Variants in TMEM117 observed in about 807,000 individuals in gnomAD.
TMEM117 encodes transmembrane protein 117.
In TMEM117, 27 loss-of-function variants were observed where a neutral mutation model predicts 52.4. The observed-to-expected ratio is 0.51, with a 90% confidence interval of 0.38 to 0.71. The LOEUF is 0.71. Among genes scored for constraint, TMEM117 ranks in the 30% least tolerant of loss-of-function variants. The pLI is 0.00. For missense variants in TMEM117, 556 were observed against 630.5 expected (o/e 0.88, Z 1.26); for synonymous variants, 215 against 206.3 (o/e 1.04, Z -0.36).
intron 3 of TMEM117, among the ~76,000 whole-genome samples, chr12:44,086,361 G>A (rs1382730073): frequency 2.6e-5 from 4 of 151,714 alleles, no homozygotes; most frequent in Non-Finnish European, 4.4e-5. Flanking sequence ...CTACAGGTGC[G>A]TGCCACCACT....
At chr12:43,953,230 C>T (rs1945253193) in intron 3 of TMEM117, among the ~76,000 whole-genome samples, 1 of 152,046 alleles carries the variant, frequency 6.6e-6, no homozygotes, top group Non-Finnish European at 1.5e-5. Context: ...CACTATGAAA[C>T]AACTACATTA....
chr12:44,262,641 A>T (rs776758563), intron 5 of TMEM117, among the ~76,000 whole-genome samples: 5 of 152,022 alleles, frequency 3.3e-5, no homozygotes, highest in Non-Finnish European at 7.4e-5. Context: ...TCATTTACTT[A>T]TTTATTTATT....
chr12:44,188,230 T>C (rs916721675), intron 4 of TMEM117, among the ~76,000 whole-genome samples: 1 of 152,158 alleles, frequency 6.6e-6, no homozygotes, highest in Non-Finnish European at 1.5e-5. Flanking sequence ...TTTCAATGAC[T>C]TTGATCATCT....
At chr12:44,022,860 G>A (rs1946475625) in intron 3 of TMEM117, among the ~76,000 whole-genome samples, 1 of 152,002 alleles carries the variant, frequency 6.6e-6, no homozygotes, top group African/African-American at 2.4e-5. Context: ...GAATTTAAAA[G>A]GAAAACAAGG....
chr12:44,107,929 C>G (rs1158912246), intron 3 of TMEM117, among the ~76,000 whole-genome samples: 2 of 152,182 alleles, frequency 1.3e-5, no homozygotes, highest in African/African-American at 2.4e-5. Context: ...TTGAATAACA[C>G]AGCAAAAGAG....
chr12:44,211,170 T>C (rs1565596334), intron 4 of TMEM117, 120 bp from the exon 5 acceptor site: 6 of 703,104 alleles, frequency 8.5e-6, no homozygotes, highest in Non-Finnish European at 1.4e-5. Context: ...TTTCTGCATA[T>C]GTTATAATGT....
At chr12:44,086,638 G>T (rs1433331888) in intron 3 of TMEM117, among the ~76,000 whole-genome samples, 2 of 152,012 alleles carry the variant, frequency 1.3e-5, no homozygotes, top group Non-Finnish European at 2.9e-5. Context: ...TGCTTTCTCA[G>T]TTTCTGGCTC....
chr12:44,135,162 C>G (rs1853969543), intron 3 of TMEM117, among the ~76,000 whole-genome samples: 1 of 152,092 alleles, frequency 6.6e-6, no homozygotes, highest in African/African-American at 2.4e-5. Flanking sequence ...TTCTTTCTCT[C>G]TTTTTGTATT....
chr12:44,313,743 G>A (rs1951019696), intron 6 of TMEM117, among the ~76,000 whole-genome samples: 2 of 152,088 alleles, frequency 1.3e-5, no homozygotes, highest in South Asian at 4.1e-4. Flanking sequence ...CTATGAGCAT[G>A]GAATGTTTTT....
At chr12:43,966,564 G>C (rs182130035) in intron 3 of TMEM117, among the ~76,000 whole-genome samples, 1 of 152,242 alleles carries the variant, frequency 6.6e-6, no homozygotes, top group East Asian at 1.9e-4. Flanking sequence ...GATACTCTAA[G>C]GGGAAATCTT....
At chr12:44,212,681 T>C (rs1057406616) in intron 5 of TMEM117, among the ~76,000 whole-genome samples, 3 of 152,108 alleles carry the variant, frequency 2.0e-5, no homozygotes, top group Admixed American at 6.6e-5. Context: ...GCCCACCAGA[T>C]AAGGGGGACT....
At chr12:43,913,800 T>G (rs929773698) in intron 2 of TMEM117, among the ~76,000 whole-genome samples, 3 of 152,194 alleles carry the variant, frequency 2.0e-5, no homozygotes, top group South Asian at 2.1e-4. Flanking sequence ...TAATTATTCA[T>G]TTTGTTCACT....
chr12:44,124,862 T>C (rs1392241025), intron 3 of TMEM117, among the ~76,000 whole-genome samples: 2 of 152,156 alleles, frequency 1.3e-5, no homozygotes, highest in Non-Finnish European at 2.9e-5. Context: ...CCTGAGGTTT[T>C]CTTTCTTTGT....
chr12:43,945,146 G>A (rs558486553), intron 3 of TMEM117, among the ~76,000 whole-genome samples: 5 of 50,628 alleles, frequency 9.9e-5, no homozygotes, highest in African/African-American at 1.7e-4. Context: ...AATAAAGTGG[G>A]CCACCCTGTA....
chr12:44,222,767 G>C lies in TMEM117; in HGVS notation c.608+11380G>C, dbSNP rs112496343. Among the ~76,000 whole-genome samples the C allele has an allele frequency of 4.0e-3, 603 of 152,298 alleles. 7 individuals carry two copies. The highest frequency in any genetic ancestry group is 0.014 in the African/African-American group (578 of 41,564). On this transcript the variant is annotated intron_variant, in intron 5 of 7. Coordinates refer to ENST00000266534, the MANE Select transcript of TMEM117 (RefSeq NM_032256.3). Reference sequence around the variant, plus strand: ...TTGATATAGTAGCTCTGAGATGTTAGAAATTAGGAACTACCAAGGAATAAT... The same window carrying C: ...TTGATATAGTAGCTCTGAGATGTTACAAATTAGGAACTACCAAGGAATAAT...
downstream of TMEM117, among the ~76,000 whole-genome samples, chr12:44,394,615 G>A (rs1017913335): frequency 2.0e-5 from 3 of 152,140 alleles, no homozygotes; most frequent in African/African-American, 4.8e-5. Context: ...GGTTTCCTAG[G>A]CTCTAGAGTT....
chr12:44,040,478 A>T (rs868484008), intron 3 of TMEM117, among the ~76,000 whole-genome samples: 7 of 152,222 alleles, frequency 4.6e-5, no homozygotes, highest in Admixed American at 6.5e-5. Flanking sequence ...GCTAACTTTT[A>T]TATTTGTTCT....
chr12:44,272,983 A>T (rs1950465538), intron 5 of TMEM117, among the ~76,000 whole-genome samples: 1 of 152,222 alleles, frequency 6.6e-6, no homozygotes, highest in African/African-American at 2.4e-5. Context: ...AATGTCCAAC[A>T]ATGATAGATT....
intron 2 of TMEM117, among the ~76,000 whole-genome samples, chr12:43,867,560 C>G (rs972378802): frequency 1.3e-5 from 2 of 151,872 alleles, no homozygotes; most frequent in Non-Finnish European, 2.9e-5. Flanking sequence ...AAAGTTTGAT[C>G]CAAGTATATA....
Sources: gnomAD v4.1 joint callset for allele counts (sites outside exome capture counted in the v4.1 genomes callset) on GRCh38, gnomAD v4.1.1 for gene constraint, MANE v1.5 for transcripts, NCBI Gene and HGNC (gene_info 2026-07-23, HGNC 2026-07-21) for gene names.